Variants in FILIP1 observed in about 807,000 individuals in gnomAD.
FILIP1 encodes filamin A interacting protein 1.
FILIP1 carries 61 observed loss-of-function variants against 102.1 expected under a neutral mutation model. That is an observed-to-expected ratio of 0.60 (90% confidence interval 0.49 to 0.74). The LOEUF is 0.74. Among genes scored for constraint, FILIP1 ranks in the 30% least tolerant of loss-of-function variants. The pLI is 0.00. For synonymous variants in FILIP1, 491 were observed against 526.9 expected (o/e 0.93, Z 0.93); for missense variants, 1,314 against 1,441.2 (o/e 0.91, Z 1.43).
intron 1 of FILIP1, among the ~76,000 whole-genome samples, chr6:75,462,068 T>C (rs905059611): frequency 7.1e-4 from 108 of 152,286 alleles, no homozygotes; most frequent in African/African-American, 2.5e-3. Flanking sequence ...CACCCTTCAG[T>C]CTCCTTTTCA....
intron 1 of FILIP1, among the ~76,000 whole-genome samples, chr6:75,426,254 GA>G (rs928992341): frequency 2.7e-5 from 4 of 150,232 alleles, no homozygotes; most frequent in Non-Finnish European, 4.4e-5. Context: ...TAAGAGAGAA[GA>G]AAAAAAAATG....
chr6:75,440,873 T>G (rs9341520), intron 1 of FILIP1, among the ~76,000 whole-genome samples: 1 of 150,020 alleles, frequency 6.7e-6, no homozygotes, highest in Non-Finnish European at 1.5e-5. Flanking sequence ...CGCTTGAACC[T>G]GGGAAGTGGA....
At chr6:75,458,328 G>A (rs1310184408) in intron 1 of FILIP1, 1 of 152,132 alleles carries the variant, frequency 6.6e-6, no homozygotes, top group Admixed American at 6.5e-5. Context: ...TGTCAATAAT[G>A]TTGAAATTGA....
chr6:75,377,683 A>G (rs959239268), intron 2 of FILIP1, among the ~76,000 whole-genome samples: 1 of 152,356 alleles, frequency 6.6e-6, no homozygotes, highest in South Asian at 2.1e-4. Context: ...GTGGGTGCTC[A>G]GTAAACATTT....
At chr6:75,370,196 A>G (rs1028352251) in intron 2 of FILIP1, among the ~76,000 whole-genome samples, 2 of 152,216 alleles carry the variant, frequency 1.3e-5, no homozygotes, top group African/African-American at 4.8e-5. Context: ...TAACATGCCC[A>G]TTCTGTGATT....
rs1464025929 is a variant in FILIP1 at position 75,477,351 on chromosome 6, G to A, written c.-7+16063C>T. The stretch of plus-strand genomic sequence containing the variant: ...GGTAGACAGGAAGAATAAGTTTTGA[G>A]ATCTATGCCACAGCAGAATGACTAC... On this transcript the variant is annotated intron_variant, in intron 1 of 5. Coordinates refer to ENST00000237172, the MANE Select transcript of FILIP1 (RefSeq NM_015687.5). Among the ~76,000 whole-genome samples, 4 of 152,012 alleles carry A rather than the reference G, an allele frequency of 2.6e-5. No individual in the cohort carries two copies. In the East Asian group the frequency reaches 7.7e-4, roughly 29 times the overall value.
At chr6:75,422,051 T>C (rs527772785) in intron 1 of FILIP1, among the ~76,000 whole-genome samples, 1 of 152,302 alleles carries the variant, frequency 6.6e-6, no homozygotes, top group African/African-American at 2.4e-5. Context: ...AAAAGGTTAC[T>C]TTCAATTATA....
intron 3 of FILIP1, among the ~76,000 whole-genome samples, chr6:75,353,981 G>A (rs1226873862): frequency 6.6e-6 from 1 of 151,892 alleles, no homozygotes; most frequent in African/African-American, 2.4e-5. Flanking sequence ...CTTTTTTGGG[G>A]GGGTGGGATA....
intron 2 of FILIP1, among the ~76,000 whole-genome samples, chr6:75,392,963 C>T (rs1051112087): frequency 3.3e-5 from 5 of 152,328 alleles, no homozygotes; most frequent in African/African-American, 1.2e-4. Flanking sequence ...AATTAAACTT[C>T]TTTCTTTTGT....
Position 75,441,559 on chromosome 6 carries a change from G to A in FILIP1, c.-6-26581C>T, listed in dbSNP as rs369985704. On this transcript the variant is annotated intron_variant, in intron 1 of 5. Transcript: ENST00000237172. Reference sequence around the variant, plus strand: ...TCCTCACTTCCCAGTAGGGGCGGCCGGGCAGAGGCGCCCCTCTCCTCCCGG... The same window carrying A: ...TCCTCACTTCCCAGTAGGGGCGGCCAGGCAGAGGCGCCCCTCTCCTCCCGG... Among the ~76,000 whole-genome samples the A allele has an allele frequency of 8.6e-3, 1,312 of 152,014 alleles. 47 individuals carry two copies. The East Asian group carries it at 0.12, about 14-fold the overall frequency.
chr6:75,395,206 T>C (rs1776420490), intron 2 of FILIP1, among the ~76,000 whole-genome samples: 2 of 152,222 alleles, frequency 1.3e-5, no homozygotes, highest in Non-Finnish European at 2.9e-5. Flanking sequence ...CCATATATTA[T>C]ACCCTTCTGG....
At chr6:75,393,233 T>C (rs543274335) in intron 2 of FILIP1, among the ~76,000 whole-genome samples, 4 of 152,152 alleles carry the variant, frequency 2.6e-5, no homozygotes, top group Non-Finnish European at 5.9e-5. Flanking sequence ...TTTAAGTACA[T>C]AGAGATGGAA....
intron 1 of FILIP1, among the ~76,000 whole-genome samples, chr6:75,444,495 T>C (rs757678490): frequency 5.8e-4 from 88 of 152,332 alleles, no homozygotes; most frequent in Non-Finnish European, 7.9e-4. Flanking sequence ...GTAATTATAT[T>C]GATGTTCATA....
chr6:75,400,249 A>G (rs1776606417), intron 2 of FILIP1, among the ~76,000 whole-genome samples: 1 of 152,188 alleles, frequency 6.6e-6, no homozygotes, highest in Non-Finnish European at 1.5e-5. Flanking sequence ...TACTTTAGAA[A>G]AAAATTGAAC....
At chr6:75,302,831 G>GATATGAT (rs890154801) in intron 6 of FILIP1, among the ~76,000 whole-genome samples, 5 of 145,140 alleles carry the variant, frequency 3.4e-5, no homozygotes, top group Non-Finnish European at 7.6e-5. Context: ...GACATGATAT[G>GATATGAT]ATATGATATG....
chr6:75,319,223 C>A, intron 4 of FILIP1: 1 of 749,286 alleles, frequency 1.3e-6, no homozygotes. Flanking sequence ...AGCTTCGCAG[C>A]CTTCTTTTCA....
At chr6:75,450,004 G>T (rs922750917) in intron 1 of FILIP1, among the ~76,000 whole-genome samples, 3 of 152,050 alleles carry the variant, frequency 2.0e-5, no homozygotes, top group African/African-American at 7.2e-5. Context: ...TGCAATCATG[G>T]CTTACTGTAC....
At chr6:75,446,807 C>T (rs769080451) in intron 1 of FILIP1, among the ~76,000 whole-genome samples, 1 of 152,158 alleles carries the variant, frequency 6.6e-6, no homozygotes, top group African/African-American at 2.4e-5. Context: ...GGGTGCACAA[C>T]GTTCCAACAG....
chr6:75,399,621 C>A (rs1160940940), intron 2 of FILIP1, among the ~76,000 whole-genome samples: 3 of 152,120 alleles, frequency 2.0e-5, no homozygotes, highest in African/African-American at 7.2e-5. Flanking sequence ...GGTTTGGGGT[C>A]AGAAGAGCAT....
Sources: gnomAD v4.1 joint callset for allele counts (sites outside exome capture counted in the v4.1 genomes callset) on GRCh38, gnomAD v4.1.1 for gene constraint, MANE v1.5 for transcripts, NCBI Gene and HGNC (gene_info 2026-07-23, HGNC 2026-07-21) for gene names.